MOV10L1: variants seen among roughly 807,000 people sequenced by gnomAD.
The protein encoded by MOV10L1 is Mov10 like RNA helicase 1.
MOV10L1 carries 110 observed loss-of-function variants against 143.8 expected under a neutral mutation model. The observed-to-expected ratio is 0.76, with a 90% CI of 0.66 to 0.90. MOV10L1 has a LOEUF of 0.90. Among genes scored for constraint, MOV10L1 ranks in the 40% least tolerant of loss-of-function variants. The pLI, the probability that MOV10L1 is intolerant of heterozygous loss-of-function variation, is 0.00. For missense variants in MOV10L1, 1,406 were observed against 1,526.8 expected (o/e 0.92, Z 1.32); for synonymous variants, 593 against 581.1 (o/e 1.02, Z -0.29).
At chr22:50,154,735 C>T (rs2063383688) in intron 22 of MOV10L1, among the ~76,000 whole-genome samples, 1 of 152,166 alleles carries the variant, frequency 6.6e-6, no homozygotes. Flanking sequence ...TCTGATCGTT[C>T]TTGTCTTACG....
rs1197660705 is a variant in MOV10L1, at chr22:50,153,042, C to T, written c.2893-3C>T. 6.3e-7 allele frequency: 1 copy of T among 1,598,706 alleles called. No homozygotes were observed. The highest frequency in any genetic ancestry group is 1.7e-5 in the Admixed American group (1 of 58,902). ...CTTGTGACCCATCACCATCTCCTCG[C>T]AGGTCACAAAGCTGGTGAAGAACTA... On this transcript the variant is annotated splice_polypyrimidine_tract_variant and splice_region_variant and intron_variant, in intron 21 of 26. Coordinates refer to ENST00000262794, the MANE Select transcript of MOV10L1 (RefSeq NM_018995.3).
Position 50,142,200 on chromosome 22 carries a change from A to G in MOV10L1, c.2179+11A>G. ...AGATGAGCGATTGGGGTATGTGCTCATGAGGGGCAAGGAGAAGAGCAACTC... is the reference window on the plus strand; with the variant it reads ...AGATGAGCGATTGGGGTATGTGCTCGTGAGGGGCAAGGAGAAGAGCAACTC... On this transcript the variant is annotated intron_variant, in intron 16 of 26. Transcript: ENST00000262794. 6.2e-7 allele frequency: 1 copy of G among 1,600,484 alleles called. No homozygotes were observed. Among genetic ancestry groups the G allele is most frequent in the East Asian group, 2.3e-5 (1 of 44,228 alleles).
intron 9 of MOV10L1, among the ~76,000 whole-genome samples, chr22:50,117,642 T>G (rs1003433529): frequency 6.6e-6 from 1 of 152,186 alleles, no homozygotes; most frequent in Non-Finnish European, 1.5e-5. Context: ...AAGGTGGCTC[T>G]CAGAGCAGGC....
At chr22:50,108,318 C>A in intron 4 of MOV10L1, 70 bp downstream of exon 4, 1 of 1,334,216 alleles carries the variant, frequency 7.5e-7, no homozygotes, top group African/African-American at 1.4e-5. Context: ...CTTGCACGGC[C>A]CAGGCTTCTC....
chr22:50,117,793 A>C (rs2062223714), intron 9 of MOV10L1, among the ~76,000 whole-genome samples: 1 of 152,226 alleles, frequency 6.6e-6, no homozygotes, highest in Admixed American at 6.5e-5. Context: ...GTACCACTTA[A>C]GAATGGAGTT....
chr22:50,110,900 C>T (rs2062006633), intron 5 of MOV10L1, among the ~76,000 whole-genome samples: 1 of 152,068 alleles, frequency 6.6e-6, no homozygotes, highest in Non-Finnish European at 1.5e-5. Flanking sequence ...CACTGCACTC[C>T]AGCCTGGGTA....
chr22:50,122,645 G>A (rs2062379814), intron 10 of MOV10L1, among the ~76,000 whole-genome samples: 1 of 152,154 alleles, frequency 6.6e-6, no homozygotes, highest in Non-Finnish European at 1.5e-5. Context: ...TATGGGAAAA[G>A]CTTTCAATCT....
In MOV10L1 at chr22:50,152,681, T is replaced by G. The variant is rs1000138946; in HGVS notation, c.2893-364T>G. Among the ~76,000 whole-genome samples the G allele has an allele frequency of 6.6e-6, 1 of 152,030 alleles. No homozygotes were observed. Among genetic ancestry groups the G allele is most frequent in the African/African-American group, 2.4e-5 (1 of 41,402 alleles). On this transcript the variant is annotated intron_variant, in intron 21 of 26. Transcript: ENST00000262794. The surrounding 1 kb of genome is among the most constrained non-coding windows in gnomAD (Gnocchi z 4.4). Reference sequence around the variant, plus strand: ...GCTGTGTGGGCCAACAAGATGCTGTTTCCAGGGTGAAGCTCTCAGCACACG... The same window carrying G: ...GCTGTGTGGGCCAACAAGATGCTGTGTCCAGGGTGAAGCTCTCAGCACACG...
At chr22:50,140,977 AT>A (rs774739246) in intron 15 of MOV10L1, among the ~76,000 whole-genome samples, 34 of 152,228 alleles carry the variant, frequency 2.2e-4, no homozygotes, top group Non-Finnish European at 3.4e-4. Context: ...AATGAAAAAA[AT>A]TGAAAATCCC....
rs771894454 is a variant in MOV10L1, at chr22:50,160,943, G to C, written c.3463-21G>C. 9.9e-6 allele frequency: 16 copies of C among 1,613,958 alleles called. No homozygotes were observed. The South Asian group carries it at 1.6e-4, about 17-fold the overall frequency. On this transcript the variant is annotated intron_variant, in intron 25 of 26. Transcript: ENST00000262794. ...GGGCCTTCACTTGCTCTCACACCAG[G>C]CTAATTGTTATTGCCAACAGGACCC...
At chr22:50,104,520 A>G (rs2061821821) in intron 3 of MOV10L1, among the ~76,000 whole-genome samples, 1 of 152,222 alleles carries the variant, frequency 6.6e-6, no homozygotes, top group Non-Finnish European at 1.5e-5. Context: ...TTAGCCTCCA[A>G]ACTGGTACAC....
At chr22:50,116,037 G>A (rs2062164589) in intron 8 of MOV10L1, among the ~76,000 whole-genome samples, 1 of 152,184 alleles carries the variant, frequency 6.6e-6, no homozygotes, top group Non-Finnish European at 1.5e-5. Flanking sequence ...CTGCATCCCT[G>A]CCTAAGCTGC....
chr22:50,133,470 A>G lies in MOV10L1; in HGVS notation c.1911-537A>G, dbSNP rs566700555. Among the ~76,000 whole-genome samples the G allele has an allele frequency of 6.0e-5, 9 of 149,986 alleles. No homozygotes were observed. The East Asian group carries it at 1.7e-3, about 29-fold the overall frequency. On this transcript the variant is annotated intron_variant, in intron 13 of 26. Coordinates refer to ENST00000262794, the MANE Select transcript of MOV10L1 (RefSeq NM_018995.3). Reference sequence around the variant, plus strand: ...CAGAGTCTCTAAAAAAAAAAAAAAAAAGAAAGAAAGAATGGGTGTGGGATT... The same window carrying G: ...CAGAGTCTCTAAAAAAAAAAAAAAAGAGAAAGAAAGAATGGGTGTGGGATT...
At chr22:50,101,862 CTA>C (rs2061753599) in intron 3 of MOV10L1, among the ~76,000 whole-genome samples, 1 of 152,084 alleles carries the variant, frequency 6.6e-6, no homozygotes, top group African/African-American at 2.4e-5. Context: ...TGATAGGTGT[CTA>C]TTGGGATTTT....
chr22:50,155,370 C>G (rs1215090197), intron 22 of MOV10L1, among the ~76,000 whole-genome samples: 1 of 151,554 alleles, frequency 6.6e-6, no homozygotes, highest in Admixed American at 6.6e-5. Flanking sequence ...AAGCGATTCT[C>G]GTGCCTCAGC....
chr22:50,119,137 CAG>C (rs2062264300), intron 9 of MOV10L1, among the ~76,000 whole-genome samples: 1 of 151,928 alleles, frequency 6.6e-6, no homozygotes, highest in Admixed American at 6.6e-5. Context: ...GTGAAATACA[CAG>C]AGCAACAGCC....
At chr22:50,121,684 G>A (rs1273377983) in intron 10 of MOV10L1, among the ~76,000 whole-genome samples, 1 of 152,228 alleles carries the variant, frequency 6.6e-6, no homozygotes, top group African/African-American at 2.4e-5. Context: ...CATCGAGGTG[G>A]CAGAAAAAGC....
In MOV10L1 at chr22:50,090,086, G is replaced by T; in HGVS notation, c.-3G>T. 7 of 1,322,000 alleles carry T rather than the reference G, an allele frequency of 5.3e-6. No homozygotes were observed. The highest frequency in any genetic ancestry group is 5.8e-6 in the Non-Finnish European group (6 of 1,035,786). 81.9% of individuals were successfully genotyped at this position (1,322,000 alleles called of 1,614,324 possible). ...TGACGGCAGCCTAGGCCGGGCGAGG[G>T]CCATGCTGAGCCTCGCAGCCAAGCT... On this transcript the variant is annotated 5_prime_UTR_variant, in exon 1 of 27. Transcript: ENST00000262794.
intron 9 of MOV10L1, 84 bp from the exon 10 acceptor site, chr22:50,120,418 A>G (rs181052211): frequency 1.1e-6 from 1 of 869,870 alleles, no homozygotes; most frequent in East Asian, 2.4e-5. Context: ...TCTTCCTAAA[A>G]TAGGAAAGGA....
Sources: gnomAD v4.1 joint callset for allele counts (sites outside exome capture counted in the v4.1 genomes callset) on GRCh38, gnomAD v4.1.1 for gene constraint, Gnocchi (gnomAD v3.1) non-coding constraint, MANE v1.5 for transcripts, NCBI Gene and HGNC (gene_info 2026-07-23, HGNC 2026-07-21) for gene names.